The following AGAP1 variants were observed in gnomAD, a reference collection of about 807,000 sequenced individuals.
The protein encoded by AGAP1 is arf-GAP with GTPase, ANK repeat and PH domain-containing protein 1.
Under a neutral mutation model 105.3 loss-of-function variants are expected in AGAP1, and 29 were observed. The observed-to-expected ratio is 0.28, with a 90% CI of 0.21 to 0.38. The LOEUF (loss-of-function observed/expected upper bound fraction) is 0.38. Ranked by LOEUF, AGAP1 falls within the 10% of genes least tolerant of loss-of-function variation. The pLI is 1.00. For synonymous variants in AGAP1, 509 were observed against 485.9 expected (o/e 1.05, Z -0.63); for missense variants, 998 against 1,165.1 (o/e 0.86, Z 2.09).
At chr2:235,500,036 G>T (rs966601149) in intron 1 of AGAP1, among the ~76,000 whole-genome samples, 13 of 152,106 alleles carry the variant, frequency 8.5e-5, no homozygotes, top group Non-Finnish European at 1.3e-4. Context: ...GGATTTGGTG[G>T]GCTGGCTTGG....
In AGAP1 at chr2:236,056,049, A is replaced by T. The variant is rs886603108; in HGVS notation, c.2114+6768A>T. On this transcript the variant is annotated intron_variant, in intron 16 of 17. Coordinates refer to ENST00000304032, the MANE Select transcript of AGAP1 (RefSeq NM_001037131.3). This position sits in a 1 kb window ranked among gnomAD's most constrained non-coding sequence, Gnocchi z 4.6. ...CAGTTGACAACAGATAGAGCAATGC[A>T]TCTAGTGAACCTCCACCAGGGAGCT... 6.6e-6 allele frequency among the ~76,000 whole-genome samples: 1 copy of T among 152,244 alleles called. No individual in the cohort carries two copies. The highest frequency in any genetic ancestry group is 1.5e-5 in the Non-Finnish European group (1 of 68,048).
chr2:235,572,005 T>TACAC (rs1559257500), intron 1 of AGAP1, among the ~76,000 whole-genome samples: 1,423 of 74,916 alleles, frequency 0.019, 11 homozygotes, highest in Middle Eastern at 0.034. Flanking sequence ...CACACACACT[T>TACAC]TTTTTTTTTT....
At chr2:235,657,114 C>G (rs983750279) in intron 1 of AGAP1, among the ~76,000 whole-genome samples, 2 of 152,174 alleles carry the variant, frequency 1.3e-5, no homozygotes, top group African/African-American at 4.8e-5. Context: ...CCATGAGGGA[C>G]TCTCTGCTTC....
intron 1 of AGAP1, among the ~76,000 whole-genome samples, chr2:235,563,284 C>A (rs182101596): frequency 6.6e-6 from 1 of 152,166 alleles, no homozygotes; most frequent in East Asian, 1.9e-4. Flanking sequence ...GTCCTGCCCC[C>A]CTTTGCTGTG....
At position 235,659,607 on chromosome 2, in the gene AGAP1, T is replaced by A. The variant is rs1387705847; in HGVS notation, c.164-49572T>A. 6.6e-6 allele frequency among the ~76,000 whole-genome samples: 1 copy of A among 152,214 alleles called. No homozygotes were observed. The highest frequency in any genetic ancestry group is 6.5e-5 in the Admixed American group (1 of 15,284). On this transcript the variant is annotated intron_variant, in intron 1 of 17. Coordinates refer to ENST00000304032, the MANE Select transcript of AGAP1 (RefSeq NM_001037131.3). The surrounding 1 kb of genome is among the most constrained non-coding windows in gnomAD (Gnocchi z 5.0). ...CGTGCCATTTGAAGCATAGCAACCA[T>A]TACTTTGAGAACCTGTGCAGGTCCA...
At chr2:235,771,449 C>T (rs1312069296) in intron 6 of AGAP1, among the ~76,000 whole-genome samples, 4 of 152,184 alleles carry the variant, frequency 2.6e-5, no homozygotes, top group Non-Finnish European at 5.9e-5. Flanking sequence ...AGGATGCAGC[C>T]AGGGTGACCT....
Position 235,959,186 on chromosome 2 carries a change from G to A in AGAP1, c.1484-9276G>A, listed in dbSNP as rs1241152408. On this transcript the variant is annotated intron_variant, in intron 12 of 17. Coordinates refer to ENST00000304032, the MANE Select transcript of AGAP1 (RefSeq NM_001037131.3). The surrounding 1 kb of genome is among the most constrained non-coding windows in gnomAD (Gnocchi z 7.3). ...GCCGTCGACAGTAGTCGTCTGTCCC[G>A]GTGCCCGGTAATTGATACAAAATAA... Among the ~76,000 whole-genome samples, 2 of 152,154 alleles carry A rather than the reference G, an allele frequency of 1.3e-5. No homozygotes were observed. The highest frequency in any genetic ancestry group is 2.1e-4 in the South Asian group (1 of 4,812).
chr2:235,598,446 G>A (rs200650495), intron 1 of AGAP1, among the ~76,000 whole-genome samples: 31 of 152,284 alleles, frequency 2.0e-4, no homozygotes, highest in African/African-American at 7.5e-4. Flanking sequence ...AGCCATAGGA[G>A]CTTAACTCTT....
chr2:235,811,596 T>C (rs1221879724), intron 9 of AGAP1, among the ~76,000 whole-genome samples: 2 of 152,216 alleles, frequency 1.3e-5, no homozygotes, highest in Non-Finnish European at 2.9e-5. Flanking sequence ...CCCTGGTTCG[T>C]GGTTGGACCA....
rs200680452 is a variant in AGAP1, at chr2:235,572,972, CTTT to C, written c.163+78127_163+78129del. 4.4e-3 allele frequency among the ~76,000 whole-genome samples: 625 copies of C among 143,310 alleles called. 63 individuals carry two copies. Among genetic ancestry groups the C allele is most frequent in the African/African-American group, 0.015 (520 of 35,808 alleles). The allele number at this position is 143,310 out of a possible 152,430, so 94.0% of individuals were successfully genotyped here. A position where few individuals can be genotyped will look rare whatever the true frequency, so the allele number is the denominator to read the frequency against. On this transcript the variant is annotated intron_variant, in intron 1 of 17. Coordinates refer to ENST00000304032, the MANE Select transcript of AGAP1 (RefSeq NM_001037131.3). ...CTGTCAGACTCCCCGATTGCTCCAT[CTTT>C]TTTCTTCTTCTTCTTCTTCTTCTTC...
At chr2:235,816,895 AAAAG>A (rs1958490541) in intron 9 of AGAP1, among the ~76,000 whole-genome samples, 1 of 151,980 alleles carries the variant, frequency 6.6e-6, no homozygotes, top group Non-Finnish European at 1.5e-5. Context: ...AAGAAAAAAA[AAAAG>A]ATATCTACCA....
intron 1 of AGAP1, among the ~76,000 whole-genome samples, chr2:235,686,588 C>CATACATAT (rs1553605459): frequency 0.015 from 1,673 of 108,484 alleles, 56 homozygotes; most frequent in African/African-American, 0.053. Flanking sequence ...CACACACACA[C>CATACATAT]GTGTGTGTGT....
At chr2:235,870,260 C>T (rs1056016710) in intron 9 of AGAP1, among the ~76,000 whole-genome samples, 1 of 152,148 alleles carries the variant, frequency 6.6e-6, no homozygotes, top group Non-Finnish European at 1.5e-5. Context: ...TCCTCCCCAT[C>T]GGAAGACCAC....
intron 1 of AGAP1, among the ~76,000 whole-genome samples, chr2:235,496,461 G>C (rs555886499): frequency 5.9e-5 from 9 of 152,322 alleles, no homozygotes; most frequent in African/African-American, 2.2e-4. Context: ...CAGAGCTCCA[G>C]CTCTGCGTCT....
intron 1 of AGAP1, among the ~76,000 whole-genome samples, chr2:235,697,788 G>A (rs1180991234): frequency 6.6e-6 from 1 of 152,154 alleles, no homozygotes; most frequent in African/African-American, 2.4e-5. Flanking sequence ...AATGAAAACT[G>A]TCAGGCCCAA....
In AGAP1 at chr2:235,789,945, T is replaced by A. The variant is rs1005583869; in HGVS notation, c.674-7814T>A. Among the ~76,000 whole-genome samples the A allele has an allele frequency of 1.6e-4, 24 of 152,330 alleles. No individual in the cohort carries two copies. The highest frequency in any genetic ancestry group is 5.5e-4 in the African/African-American group (23 of 41,578). On this transcript the variant is annotated intron_variant, in intron 6 of 17. Transcript: ENST00000304032. The surrounding 1 kb of genome is among the most constrained non-coding windows in gnomAD (Gnocchi z 4.2). ...GGATGTCTTACCTTCCTTGTTAGTA[T>A]TTGTTCTGATTGGAAAATTACTCTG...
At chr2:235,647,522 G>A (rs1947432310) in intron 1 of AGAP1, among the ~76,000 whole-genome samples, 1 of 151,994 alleles carries the variant, frequency 6.6e-6, no homozygotes, top group South Asian at 2.1e-4. Flanking sequence ...CGAGTAGCTG[G>A]GACTACAGGC....
At chr2:235,512,919 G>A (rs559306359) in intron 1 of AGAP1, among the ~76,000 whole-genome samples, 15 of 152,178 alleles carry the variant, frequency 9.9e-5, no homozygotes, top group Non-Finnish European at 1.9e-4. Context: ...ATTAATGCTC[G>A]TGCAGGGCTC....
Position 235,887,132 on chromosome 2 carries a change from A to T in AGAP1, c.1155+3683A>T, listed in dbSNP as rs530529281. Among the ~76,000 whole-genome samples the T allele has an allele frequency of 2.0e-5, 3 of 152,140 alleles. No individual in the cohort carries two copies. The highest frequency in any genetic ancestry group is 7.2e-5 in the African/African-American group (3 of 41,416). On this transcript the variant is annotated intron_variant, in intron 10 of 17. Transcript: ENST00000304032. The surrounding 1 kb of genome is among the most constrained non-coding windows in gnomAD (Gnocchi z 4.1). ...AAATTTCAAAAGATCGTAGAACCAG[A>T]TGATCTCAGTTAAACACGGACCATG...
Sources: allele counts gnomAD v4.1 joint callset (sites outside exome capture counted in the v4.1 genomes callset), GRCh38; gene constraint gnomAD v4.1.1; non-coding constraint Gnocchi (gnomAD v3.1); transcripts MANE v1.5; gene names NCBI Gene and HGNC (gene_info 2026-07-23, HGNC 2026-07-21).